The following CPED1 variants were observed in gnomAD, a reference collection of about 807,000 sequenced individuals.
CPED1 encodes cadherin-like and PC-esterase domain-containing protein 1.
A neutral mutation model predicts 128.2 loss-of-function variants in CPED1; 114 were observed. The observed-to-expected ratio is 0.89, with a 90% CI of 0.76 to 1.04. The LOEUF is 1.04. Ranked by LOEUF, CPED1 falls within the 50% of genes least tolerant of loss-of-function variation. CPED1 has a pLI of 0.00. For synonymous variants in CPED1, 462 were observed against 426.7 expected (o/e 1.08, Z -1.02); for missense variants, 1,211 against 1,207.1 (o/e 1.00, Z -0.05).
chr7:121,068,821 G>C (rs973793088), intron 5 of CPED1, among the ~76,000 whole-genome samples: 2 of 152,064 alleles, frequency 1.3e-5, no homozygotes, highest in Admixed American at 1.3e-4. Context: ...TCCTTGAAGA[G>C]GTCCTTCACA....
chr7:121,231,317 A>C (rs1162165130), intron 16 of CPED1, among the ~76,000 whole-genome samples: 4 of 152,100 alleles, frequency 2.6e-5, no homozygotes, highest in African/African-American at 9.6e-5. Context: ...ATATCTGGGC[A>C]TGGTTGTCTT....
chr7:121,112,739 A>C (rs2116270187), intron 7 of CPED1, among the ~76,000 whole-genome samples: 1 of 152,294 alleles, frequency 6.6e-6, no homozygotes, highest in African/African-American at 2.4e-5. Flanking sequence ...AAGGGGTGAA[A>C]AAATAGACTC....
chr7:121,261,610 GCTT>G, intron 18 of CPED1: 1 of 1,606,010 alleles, frequency 6.2e-7, no homozygotes, highest in Non-Finnish European at 8.5e-7. Flanking sequence ...AAACCTGACA[GCTT>G]CTTTTTTCCT....
At chr7:121,189,707 A>T (rs546536874) in intron 16 of CPED1, among the ~76,000 whole-genome samples, 1 of 145,976 alleles carries the variant, frequency 6.9e-6, no homozygotes, top group East Asian at 2.0e-4. Flanking sequence ...CAATTTTTGG[A>T]AAAGAAATGA....
intron 16 of CPED1, among the ~76,000 whole-genome samples, chr7:121,193,417 G>A (rs1472623392): frequency 1.3e-5 from 2 of 152,022 alleles, no homozygotes; most frequent in African/African-American, 4.8e-5. Context: ...TACCTTTTAG[G>A]CTTGTTTGGT....
At chr7:121,159,129 A>G (rs1796355485) in intron 16 of CPED1, among the ~76,000 whole-genome samples, 1 of 152,182 alleles carries the variant, frequency 6.6e-6, no homozygotes, top group Non-Finnish European at 1.5e-5. Context: ...AGGGAAAAAA[A>G]TGCCCCTAGT....
intron 3 of CPED1, among the ~76,000 whole-genome samples, chr7:121,040,564 A>G (rs1413796520): frequency 6.6e-6 from 1 of 152,074 alleles, no homozygotes; most frequent in African/African-American, 2.4e-5. Flanking sequence ...AATAAGCTAA[A>G]AATGTACTCA....
At chr7:121,077,658 A>ATT (rs1043324962) in intron 5 of CPED1, among the ~76,000 whole-genome samples, 5 of 150,992 alleles carry the variant, frequency 3.3e-5, no homozygotes, top group Non-Finnish European at 5.9e-5. Flanking sequence ...TAATGCATAC[A>ATT]TTATATATAT....
chr7:121,119,316 G>T (rs1390270932), intron 7 of CPED1, among the ~76,000 whole-genome samples: 1 of 149,534 alleles, frequency 6.7e-6, no homozygotes, highest in East Asian at 2.0e-4. Context: ...TGCAAGCTCC[G>T]CCTCCCGGGT....
intron 4 of CPED1, among the ~76,000 whole-genome samples, chr7:121,058,760 G>A (rs1203881305): frequency 6.6e-6 from 1 of 152,176 alleles, no homozygotes; most frequent in African/African-American, 2.4e-5. Context: ...GTAGATAACT[G>A]TCACTCTATA....
At chr7:121,213,554 A>G (rs993657024) in intron 16 of CPED1, among the ~76,000 whole-genome samples, 2 of 151,968 alleles carry the variant, frequency 1.3e-5, no homozygotes, top group African/African-American at 4.8e-5. Flanking sequence ...TTAAAGAGCG[A>G]ATGCTTGTAG....
intron 16 of CPED1, among the ~76,000 whole-genome samples, chr7:121,165,449 C>A (rs1796501740): frequency 6.6e-6 from 1 of 152,120 alleles, no homozygotes; most frequent in Admixed American, 6.6e-5. Flanking sequence ...TTTAAGGACA[C>A]AATTTTGTAT....
intron 2 of CPED1, among the ~76,000 whole-genome samples, chr7:121,006,565 G>A (rs951876961): frequency 6.6e-6 from 1 of 151,936 alleles, no homozygotes; most frequent in Non-Finnish European, 1.5e-5. Flanking sequence ...ACACTCAGGA[G>A]TGATTTTCAT....
At chr7:121,140,534 A>G (rs1584541960) in intron 14 of CPED1, among the ~76,000 whole-genome samples, 1 of 151,966 alleles carries the variant, frequency 6.6e-6, no homozygotes, top group East Asian at 1.9e-4. Context: ...CAGGAGAGAC[A>G]TTTTCCCGCC....
intron 5 of CPED1, among the ~76,000 whole-genome samples, chr7:121,072,646 T>C (rs1794024544): frequency 6.6e-6 from 1 of 152,112 alleles, no homozygotes; most frequent in African/African-American, 2.4e-5. Flanking sequence ...TTAGTTGAGA[T>C]AGACAAATTA....
At chr7:121,267,942 C>T (rs1231331711) in intron 21 of CPED1, among the ~76,000 whole-genome samples, 1 of 152,006 alleles carries the variant, frequency 6.6e-6, no homozygotes, top group Non-Finnish European at 1.5e-5. Context: ...TACCTTTCCC[C>T]AGCACAGAAC....
Position 121,233,060 on chromosome 7 carries a change from A to G in CPED1, c.2056-3654A>G, listed in dbSNP as rs542649242. On this transcript the variant is annotated intron_variant, in intron 16 of 22. Transcript: ENST00000310396. ...AGATAATGAGAAACTGTGATCAGGC[A>G]GGAGGAAAAACCAAGAACATCATAA... is the stretch of plus-strand genomic sequence containing the variant. Among the ~76,000 whole-genome samples, 15 of 152,266 alleles carry G rather than the reference A, an allele frequency of 9.9e-5. No individual in the cohort carries two copies. In the South Asian group the frequency reaches 1.9e-3, roughly 19 times the overall value.
chr7:121,264,269 TA>T (rs1335665353), intron 18 of CPED1, among the ~76,000 whole-genome samples: 1 of 152,070 alleles, frequency 6.6e-6, no homozygotes, highest in Non-Finnish European at 1.5e-5. Flanking sequence ...AAAACAATAC[TA>T]ATGGAGTTGC....
intron 8 of CPED1, 73 bp downstream of exon 8, chr7:121,124,546 G>A: frequency 1.7e-6 from 2 of 1,179,696 alleles, no homozygotes; most frequent in Non-Finnish European, 2.3e-6. Flanking sequence ...ATTGTTGGTG[G>A]AAATGTATCT....
Sources: gnomAD v4.1 joint callset for allele counts (sites outside exome capture counted in the v4.1 genomes callset) on GRCh38, gnomAD v4.1.1 for gene constraint, MANE v1.5 for transcripts, NCBI Gene and HGNC (gene_info 2026-07-23, HGNC 2026-07-21) for gene names.